The following PTPRB variants were observed in gnomAD, a reference collection of about 807,000 sequenced individuals.
PTPRB encodes the protein receptor-type tyrosine-protein phosphatase beta.
PTPRB carries 97 observed loss-of-function variants against 238.1 expected under a neutral mutation model. The ratio of observed to expected loss-of-function variants is 0.41; its 90% CI spans 0.35 to 0.48. The LOEUF is 0.48. Among genes scored for constraint, PTPRB ranks in the 20% least tolerant of loss-of-function variants. PTPRB has a pLI of 0.30. For synonymous variants in PTPRB, 970 were observed against 995.4 expected, an observed-to-expected ratio of 0.97 and a Z score of 0.48; for missense variants, 2,292 against 2,681.9, an observed-to-expected ratio of 0.85 and a Z score of 3.21.
chr12:70,528,887 G>T (rs1158932111), intron 32 of PTPRB, among the ~76,000 whole-genome samples: 1 of 142,090 alleles, frequency 7.0e-6, no homozygotes, highest in East Asian at 2.1e-4. Flanking sequence ...CAGGAGGAAG[G>T]TTTTTGTTGT....
chr12:70,582,490 A>T (rs1881491596), intron 9 of PTPRB, among the ~76,000 whole-genome samples: 1 of 152,190 alleles, frequency 6.6e-6, no homozygotes, highest in Non-Finnish European at 1.5e-5. Flanking sequence ...TTGATAGAAC[A>T]GAATTGAGAG....
chr12:70,559,485 G>C lies in PTPRB; in HGVS notation c.4572C>G (p.Phe1524Leu). ...QWLPRDALTV[F>L]NPYNNRKSEG... is the part of the protein sequence containing the mutation. The stretch of plus-strand genomic sequence containing the variant: ...CTGATTTTCTGTTGTTGTAGGGGTT[G>C]AAGACAGTAAGTGCATCTCTGGGCA... The change falls in exon 18 of 34, where the codon TTC becomes TTG. Residue 1524 changes from phenylalanine to leucine, a missense_variant. Physicochemically the swap from Phe to Leu is conservative, Grantham distance 22. Around this residue, in one of 4 missense-constraint regions of PTPRB, gnomAD observed 683 missense variants for 862.0 expected, o/e 0.79. Transcript: ENST00000334414. 6.2e-7 allele frequency: 1 copy of C among 1,614,022 alleles called. No individual in the cohort carries two copies. Among genetic ancestry groups the C allele is most frequent in the Non-Finnish European group, 8.5e-7 (1 of 1,179,882 alleles).
chr12:70,578,403 T>C (rs1225494116), intron 10 of PTPRB, among the ~76,000 whole-genome samples: 1 of 149,998 alleles, frequency 6.7e-6, no homozygotes, highest in Admixed American at 6.6e-5. Flanking sequence ...CCTTTCAAAA[T>C]CCCTATTATT....
At chr12:70,521,904 A>G (rs1871701746) in intron 33 of PTPRB, among the ~76,000 whole-genome samples, 1 of 152,212 alleles carries the variant, frequency 6.6e-6, no homozygotes, top group Non-Finnish European at 1.5e-5. Context: ...TACTCTAAAA[A>G]AAGATTCTTA....
chr12:70,554,404 C>G (rs964326058), intron 20 of PTPRB, among the ~76,000 whole-genome samples: 1 of 152,164 alleles, frequency 6.6e-6, no homozygotes, highest in Non-Finnish European at 1.5e-5. Context: ...AAATAACACA[C>G]AAGACCTCAA....
intron 33 of PTPRB, among the ~76,000 whole-genome samples, chr12:70,524,151 C>T (rs1871995389): frequency 6.6e-6 from 1 of 152,088 alleles, no homozygotes; most frequent in Non-Finnish European, 1.5e-5. Flanking sequence ...CTTTGTCACC[C>T]AGGCTGGAGT....
intron 15 of PTPRB, among the ~76,000 whole-genome samples, chr12:70,565,082 G>C (rs895901125): frequency 2.0e-5 from 3 of 151,986 alleles, no homozygotes; most frequent in Non-Finnish European, 4.4e-5. Flanking sequence ...ATATCCAGCA[G>C]TTAGAACAGT....
At chr12:70,563,663 A>C (rs1271346582) in intron 15 of PTPRB, among the ~76,000 whole-genome samples, 1 of 152,180 alleles carries the variant, frequency 6.6e-6, no homozygotes, top group Non-Finnish European at 1.5e-5. Context: ...GCTCAAATCC[A>C]TATTTCCAAA....
At chr12:70,588,095 CAAAAA>C (rs10558140) in intron 8 of PTPRB, among the ~76,000 whole-genome samples, 47 of 104,636 alleles carry the variant, frequency 4.5e-4, no homozygotes, top group South Asian at 3.3e-3. Context: ...GACTCTGTCT[CAAAAA>C]AAAAAAAAAA....
At chr12:70,547,287 T>C (rs1374688976) in intron 21 of PTPRB, among the ~76,000 whole-genome samples, 1 of 152,170 alleles carries the variant, frequency 6.6e-6, no homozygotes. Flanking sequence ...GGAAGTATAT[T>C]GAGAAAGGTC....
intron 8 of PTPRB, among the ~76,000 whole-genome samples, chr12:70,587,669 C>G (rs1882054751): frequency 1.3e-5 from 2 of 152,042 alleles, no homozygotes; most frequent in Non-Finnish European, 2.9e-5. Context: ...TGCAACTTTC[C>G]CTCATTTCTG....
In PTPRB at chr12:70,521,362, C is replaced by G; in HGVS notation, c.*127G>C. On this transcript the variant is annotated 3_prime_UTR_variant, in exon 34 of 34. Coordinates refer to ENST00000334414, the MANE Select transcript of PTPRB (RefSeq NM_001109754.4). ...TAAATTATATAAAATTTTAAACATT[C>G]TCCAGATTAATAAATTATACATAGT... The G allele has an allele frequency of 1.7e-6, 1 of 576,756 alleles. No individual in the cohort carries two copies. Among genetic ancestry groups the G allele is most frequent in the Non-Finnish European group, 2.8e-6 (1 of 355,098 alleles). The allele number at this position is 576,756 out of a possible 1,614,324, so 35.7% of individuals were successfully genotyped here. A position where few individuals can be genotyped will look rare whatever the true frequency, so the allele number is the denominator to read the frequency against.
chr12:70,566,878 TG>T (rs1879371948), intron 14 of PTPRB, among the ~76,000 whole-genome samples, 174 bp from the exon 15 acceptor site: 1 of 152,252 alleles, frequency 6.6e-6, no homozygotes, highest in Admixed American at 6.5e-5. Flanking sequence ...AAGGATTTGT[TG>T]GCTTAACCTG....
chr12:70,580,032 T>G (rs1881209608), intron 10 of PTPRB, among the ~76,000 whole-genome samples: 1 of 152,068 alleles, frequency 6.6e-6, no homozygotes, highest in South Asian at 2.1e-4. Flanking sequence ...AAGCTTCTAT[T>G]GGGTTTATGT....
chr12:70,586,425 A>G (rs1301076330), intron 9 of PTPRB, among the ~76,000 whole-genome samples: 1 of 152,128 alleles, frequency 6.6e-6, no homozygotes, highest in Non-Finnish European at 1.5e-5. Flanking sequence ...TCTTTCCTTT[A>G]TAAATTACCC....
intron 2 of PTPRB, among the ~76,000 whole-genome samples, chr12:70,625,112 C>T (rs1336868062): frequency 2.0e-5 from 3 of 152,076 alleles, no homozygotes; most frequent in East Asian, 3.8e-4. Context: ...AGACCACCAC[C>T]TTTTTTCCAA....
chr12:70,575,239 C>G (rs1400422009), intron 11 of PTPRB, among the ~76,000 whole-genome samples: 1 of 152,170 alleles, frequency 6.6e-6, no homozygotes. Flanking sequence ...AGCCACACTC[C>G]TTCTCTGGGA....
rs1310190892 is a variant in PTPRB, at chr12:70,560,576, T to C, written c.4432+95A>G. The C allele has an allele frequency of 1.3e-6, 2 of 1,511,030 alleles. No homozygotes were observed. The highest frequency in any genetic ancestry group is 2.8e-5 in the African/African-American group (2 of 72,450). 93.6% of individuals were successfully genotyped at this position (1,511,030 alleles called of 1,614,324 possible). A position where few individuals can be genotyped will look rare whatever the true frequency, so the allele number is the denominator to read the frequency against. The stretch of plus-strand genomic sequence containing the variant: ...GGGGCTAGCTCAGGGTATATCATTA[T>C]TGGCTTTATCTCTTGTCATTAAAAT... On this transcript the variant is annotated intron_variant, in intron 17 of 33. Coordinates refer to ENST00000334414, the MANE Select transcript of PTPRB (RefSeq NM_001109754.4). The surrounding 1 kb of genome is among the most constrained non-coding windows in gnomAD (Gnocchi z 4.2).
At position 70,566,656 on chromosome 12, in the gene PTPRB, T is replaced by C; in HGVS notation, c.3683A>G (p.Tyr1228Cys). 1 of 1,614,020 alleles carries C rather than the reference T, an allele frequency of 6.2e-7. No individual in the cohort carries two copies. The highest frequency in any genetic ancestry group is 8.5e-7 in the Non-Finnish European group (1 of 1,179,886). The change falls in exon 15 of 34, where the codon TAT becomes TGT. Residue 1228 changes from tyrosine to cysteine, a missense_variant. Physicochemically the swap from Tyr to Cys is radical, Grantham distance 194 (BLOSUM62 -2). Coordinates refer to ENST00000334414, the MANE Select transcript of PTPRB (RefSeq NM_001109754.4). Reference protein sequence around the residue: ...GVIADNAYSSYSLIVSWQKAA... With the variant: ...GVIADNAYSSCSLIVSWQKAA... Reference sequence around the variant, plus strand: ...TTTTTGCCAACTTACTATTAAGGAATAACTGCTGTATGCATTGTCTGCAAT... The same window carrying C: ...TTTTTGCCAACTTACTATTAAGGAACAACTGCTGTATGCATTGTCTGCAAT...
Sources: gnomAD v4.1 joint callset for allele counts (sites outside exome capture counted in the v4.1 genomes callset) on GRCh38, gnomAD v4.1.1 for gene constraint, gnomAD v4.1.1 regional missense constraint, Gnocchi (gnomAD v3.1) non-coding constraint, MANE v1.5 for transcripts, NCBI Gene and HGNC (gene_info 2026-07-23, HGNC 2026-07-21) for gene names.